The following SLC35G1 variants were observed in gnomAD, a reference collection of about 807,000 sequenced individuals.
SLC35G1 encodes the protein partner of STIM1.
A neutral mutation model predicts 17.1 loss-of-function variants in SLC35G1; 10 were observed. The ratio of observed to expected loss-of-function variants is 0.59; its 90% CI spans 0.36 to 0.99. The LOEUF (loss-of-function observed/expected upper bound fraction) is 0.99, where lower values mean the gene tolerates loss of function less well. SLC35G1 is among the 50% of genes least tolerant of loss of function. The pLI is 0.01. For synonymous variants in SLC35G1, 185 were observed against 181.1 expected, an observed-to-expected ratio of 1.02 and a Z score of -0.18; for missense variants, 433 against 468.4, an observed-to-expected ratio of 0.92 and a Z score of 0.70.
chr10:93,900,819 G>A lies in SLC35G1; in HGVS notation c.427G>A (p.Ala143Thr), dbSNP rs144043787. ...LILRGVLGST[A>T]MMLIYYAYQT... The stretch of plus-strand genomic sequence containing the variant: ...TCTCAGAGGAGTCCTTGGTTCTACC[G>A]CCATGATGCTTATATACTATGCTTA... Residue 143 changes from alanine (A) to threonine (T), a missense_variant, in exon 3 of 3, where the codon GCC (alanine) becomes ACC (threonine). By Grantham distance (58) the Ala-to-Thr change is moderately conservative. Coordinates refer to ENST00000427197, the MANE Select transcript of SLC35G1 (RefSeq NM_001134658.3). 50 of 1,613,746 alleles carry A rather than the reference G, an allele frequency of 3.1e-5. No homozygotes were observed. The highest frequency in any genetic ancestry group is 1.3e-4 in the Admixed American group (8 of 59,974).
rs2060307838 is a variant in SLC35G1 at position 93,894,268 on chromosome 10, C to T, written c.178+57C>T. The T allele has an allele frequency of 3.9e-6, 5 of 1,297,796 alleles. No individual in the cohort carries two copies. In the Admixed American group the frequency reaches 1.3e-4, roughly 33 times the overall value. The allele number at this position is 1,297,796 out of a possible 1,614,324, so 80.4% of individuals were successfully genotyped here. On this transcript the variant is annotated intron_variant, in intron 1 of 2. Transcript: ENST00000427197. ...TCGCTCGGGGGTCCCGAGCGGGCGC[C>T]GGCGGGTTGGGGTCCCCGCAACCCG...
chr10:93,904,893 C>T (rs532456680), downstream of SLC35G1, among the ~76,000 whole-genome samples: 36 of 152,188 alleles, frequency 2.4e-4, no homozygotes, highest in Admixed American at 3.9e-4. Flanking sequence ...TCCTTACTCC[C>T]GAGCAGCCTC....
chr10:93,908,463 G>C (rs1360740800), downstream of SLC35G1: 1 of 152,216 alleles, frequency 6.6e-6, no homozygotes, highest in Non-Finnish European at 1.5e-5. Context: ...ATGCAGAACA[G>C]GGAGTCATTT....
At chr10:93,899,578 A>G (rs898018263) in intron 2 of SLC35G1, among the ~76,000 whole-genome samples, 41 of 152,158 alleles carry the variant, frequency 2.7e-4, no homozygotes, top group African/African-American at 9.4e-4. Flanking sequence ...CTACACCCCA[A>G]ATGAAAAGCT....
chr10:93,904,723 T>G (rs145036207), downstream of SLC35G1, among the ~76,000 whole-genome samples: 183 of 152,340 alleles, frequency 1.2e-3, no homozygotes, highest in African/African-American at 4.2e-3. Flanking sequence ...CTAATGCACC[T>G]GAGCCTGTTT....
chr10:93,898,849 T>C, intron 2 of SLC35G1, 98 bp downstream of exon 2: 1 of 1,192,028 alleles, frequency 8.4e-7, no homozygotes, highest in South Asian at 1.6e-5. Context: ...CCATCTCATA[T>C]ACTTACCAGT....
chr10:93,898,137 C>G (rs1454104663), intron 1 of SLC35G1, among the ~76,000 whole-genome samples: 1 of 152,154 alleles, frequency 6.6e-6, no homozygotes, highest in Non-Finnish European at 1.5e-5. Flanking sequence ...CTGTATAACC[C>G]AATTATAACC....
rs1362991563 is a variant in SLC35G1, at chr10:93,894,101, C to T, written c.68C>T (p.Ala23Val). 2.0e-6 allele frequency: 3 copies of T among 1,487,424 alleles called. No homozygotes were observed. The highest frequency in any genetic ancestry group is 1.3e-5 in the South Asian group (1 of 79,326). The allele number at this position is 1,487,424 out of a possible 1,614,324, so 92.1% of individuals were successfully genotyped here. ...QEPGLPLTDD[A>V]PPGATEEPAA... is the part of the protein sequence containing the mutation. ...CCCGGGCTGCCGCTAACGGACGATG[C>T]ACCCCCGGGCGCCACTGAGGAGCCG... The change falls in exon 1 of 3, where the codon GCA becomes GTA. Residue 23 changes from alanine (A) to valine (V), a missense_variant. Transcript: ENST00000427197.
At position 93,901,306 on chromosome 10, in the gene SLC35G1, C is replaced by G; in HGVS notation, c.914C>G (p.Ala305Gly). ...GGGGGTCAGATATTTATCACAAAAG[C>G]ACTTCAAATAGAAAAAGCAGGGCCA... Reference protein sequence around the residue: ...GLGGQIFITKALQIEKAGPVA... With the variant: ...GLGGQIFITKGLQIEKAGPVA... Residue 305 changes from alanine to glycine, a missense_variant, in exon 3 of 3, where the codon GCA becomes GGA. By Grantham distance (60) the Ala-to-Gly change is moderately conservative (BLOSUM62 0). Transcript: ENST00000427197. 1 of 1,613,928 alleles carries G rather than the reference C, an allele frequency of 6.2e-7. No homozygotes were observed. Among genetic ancestry groups the G allele is most frequent in the Non-Finnish European group, 8.5e-7 (1 of 1,179,944 alleles).
rs1422852579 is a variant in SLC35G1 at position 93,902,745 on chromosome 10, A to C, written c.*1255A>C. ...TCACTATGAATTCTAGTTTATCAGC[A>C]TGATGTTAAATGTCAGTGCCATACC... On this transcript the variant is annotated 3_prime_UTR_variant, in exon 3 of 3. Coordinates refer to ENST00000427197, the MANE Select transcript of SLC35G1 (RefSeq NM_001134658.3). The C allele has an allele frequency of 6.6e-6, 1 of 152,638 alleles. No individual in the cohort carries two copies. The highest frequency in any genetic ancestry group is 2.4e-5 in the African/African-American group (1 of 41,452). 9.5% of individuals were successfully genotyped at this position (152,638 alleles called of 1,614,324 possible). A position where few individuals can be genotyped will look rare whatever the true frequency, so the allele number is the denominator to read the frequency against.
Position 93,894,228 on chromosome 10 carries a change from G to T in SLC35G1, c.178+17G>T. ...CCGAGCCGGGTGAGTGCGCGGTGTGGATCGGGCTCTGGTCTCGCTCGGGGG... is the reference window on the plus strand; with the variant it reads ...CCGAGCCGGGTGAGTGCGCGGTGTGTATCGGGCTCTGGTCTCGCTCGGGGG... On this transcript the variant is annotated intron_variant, in intron 1 of 2. Coordinates refer to ENST00000427197, the MANE Select transcript of SLC35G1 (RefSeq NM_001134658.3). 1 of 1,355,110 alleles carries T rather than the reference G, an allele frequency of 7.4e-7. No homozygotes were observed. Among genetic ancestry groups the T allele is most frequent in the South Asian group, 1.8e-5 (1 of 56,706 alleles). 83.9% of individuals were successfully genotyped at this position (1,355,110 alleles called of 1,614,324 possible). A position where few individuals can be genotyped will look rare whatever the true frequency, so the allele number is the denominator to read the frequency against.
intron 2 of SLC35G1, among the ~76,000 whole-genome samples, chr10:93,899,671 AT>A (rs1241555354): frequency 4.6e-5 from 7 of 152,196 alleles, no homozygotes; most frequent in Non-Finnish European, 1.0e-4. Flanking sequence ...TATCCTGATG[AT>A]TTGGTGGGAA....
chr10:93,894,060 C>A lies in SLC35G1; in HGVS notation c.27C>A (p.Val9=). Residue 9 remains valine, a synonymous_variant, in exon 1 of 3, where the codon GTC becomes GTA. Transcript: ENST00000427197. ...TGCGGCCTCAGGACAGCACCGGGGT[C>A]GCGGAGCTCCAGGAGCCCGGGCTGC... MRPQDSTG[V]AELQEPGLPL... The A allele has an allele frequency of 1.4e-6, 2 of 1,481,344 alleles. No homozygotes were observed. The highest frequency in any genetic ancestry group is 1.3e-5 in the South Asian group (1 of 78,452). The allele number at this position is 1,481,344 out of a possible 1,614,324, so 91.8% of individuals were successfully genotyped here. A position where few individuals can be genotyped will look rare whatever the true frequency, so the allele number is the denominator to read the frequency against.
Position 93,894,014 on chromosome 10 carries a change from G to A in SLC35G1, c.-20G>A, listed in dbSNP as rs1184001104. The A allele has an allele frequency of 1.9e-5, 26 of 1,391,796 alleles. No homozygotes were observed. Among genetic ancestry groups the A allele is most frequent in the Non-Finnish European group, 2.2e-5 (24 of 1,078,810 alleles). 86.2% of individuals were successfully genotyped at this position (1,391,796 alleles called of 1,614,324 possible). A position where few individuals can be genotyped will look rare whatever the true frequency, so the allele number is the denominator to read the frequency against. On this transcript the variant is annotated 5_prime_UTR_variant, in exon 1 of 3. Coordinates refer to ENST00000427197, the MANE Select transcript of SLC35G1 (RefSeq NM_001134658.3). ...CTGGCGCCAGACGGCACCGGCCGCT[G>A]GTAGAGCGCGTGCCGCGAGATGCGG... is the stretch of plus-strand genomic sequence containing the variant.
In SLC35G1 at chr10:93,898,599, A is replaced by C; in HGVS notation, c.207A>C (p.Gly69=). The C allele has an allele frequency of 6.2e-7, 1 of 1,610,364 alleles. No homozygotes were observed. Among genetic ancestry groups the C allele is most frequent in the South Asian group, 1.1e-5 (1 of 90,574 alleles). Residue 69 remains glycine, a synonymous_variant, in exon 2 of 3, where the codon GGA becomes GGC. Coordinates refer to ENST00000427197, the MANE Select transcript of SLC35G1 (RefSeq NM_001134658.3). Reference sequence around the variant, plus strand: ...CCAAGAAGAAAGCACCCTGTCCTGGACTTGGCTTGTTTTACACATTATTGT... The same window carrying C: ...CCAAGAAGAAAGCACCCTGTCCTGGCCTTGGCTTGTTTTACACATTATTGT... The part of the protein sequence containing the change: ...PEAKKKAPCP[G]LGLFYTLLSA...
At chr10:93,904,431 C>T (rs537531689), downstream of SLC35G1, among the ~76,000 whole-genome samples, 1 of 152,354 alleles carries the variant, frequency 6.6e-6, no homozygotes, top group South Asian at 2.1e-4. Flanking sequence ...CTTCTCCGAC[C>T]TGATTTCTAC....
rs2060409994 is a variant in SLC35G1, at chr10:93,903,559, C to G, written c.*2069C>G. ...CCTAGAAAGTTAAATCCCTTTAGGC[C>G]CATACACTAGAGACATGTTTTGTTT... On this transcript the variant is annotated 3_prime_UTR_variant, in exon 3 of 3. Transcript: ENST00000427197. 6.6e-6 allele frequency: 1 copy of G among 152,138 alleles called. No homozygotes were observed. Among genetic ancestry groups the G allele is most frequent in the Non-Finnish European group, 1.5e-5 (1 of 68,036 alleles). 9.4% of individuals were successfully genotyped at this position (152,138 alleles called of 1,614,324 possible). A position where few individuals can be genotyped will look rare whatever the true frequency, so the allele number is the denominator to read the frequency against.
intron 1 of SLC35G1, among the ~76,000 whole-genome samples, 179 bp downstream of exon 1, chr10:93,894,390 G>A (rs2060309485): frequency 6.6e-6 from 1 of 152,206 alleles, no homozygotes. Context: ...AATTCCCGGC[G>A]CCCCAGCCGG....
chr10:93,905,403 A>G (rs1451426463), downstream of SLC35G1, among the ~76,000 whole-genome samples: 2 of 152,110 alleles, frequency 1.3e-5, no homozygotes, highest in Admixed American at 6.5e-5. Flanking sequence ...TTGGTGCCTT[A>G]TATCAGATCT....
Sources: gnomAD v4.1 joint callset for allele counts (sites outside exome capture counted in the v4.1 genomes callset) on GRCh38, gnomAD v4.1.1 for gene constraint, MANE v1.5 for transcripts, NCBI Gene and HGNC (gene_info 2026-07-23, HGNC 2026-07-21) for gene names.